PHF8: variants seen among roughly 807,000 people sequenced by gnomAD.
PHF8 encodes the protein PHD finger protein 8.
A neutral mutation model predicts 74.4 loss-of-function variants in PHF8; 9 were observed. That is an observed-to-expected ratio of 0.12 (90% CI 0.07 to 0.21). The LOEUF (loss-of-function observed/expected upper bound fraction) is 0.21, where lower values mean the gene tolerates loss of function less well. Among genes scored for constraint, PHF8 ranks in the 10% least tolerant of loss-of-function variants. The pLI is 1.00. For synonymous variants in PHF8, 311 were observed against 316.6 expected (o/e 0.98, Z 0.19); for missense variants, 478 against 816.6 (o/e 0.59, Z 5.05).
chrX:53,981,152 T>C (rs1472794671), intron 18 of PHF8, among the ~76,000 whole-genome samples: 5 of 112,571 alleles, frequency 4.4e-5, no homozygotes, highest in Non-Finnish European at 7.5e-5. Context: ...AGGCAGAGAT[T>C]GCAGTGAGCC....
intron 4 of PHF8, among the ~76,000 whole-genome samples, chrX:54,019,898 T>C (rs782739929): frequency 1.9e-5 from 2 of 105,164 alleles, no homozygotes; most frequent in Admixed American, 2.1e-4. Context: ...ATAAATAATA[T>C]TGGTGGCTGG....
chrX:53,956,866 G>A (rs11796275), intron 19 of PHF8, among the ~76,000 whole-genome samples: 28 of 111,359 alleles, frequency 2.5e-4, no homozygotes, highest in Non-Finnish European at 3.8e-4. Flanking sequence ...TCAAAAAAAT[G>A]TAAATTAAAT....
At chrX:54,016,823 T>G in intron 5 of PHF8, 87 bp from the exon 6 acceptor site, 1 of 740,088 alleles carries the variant, frequency 1.4e-6, no homozygotes, top group Admixed American at 2.4e-5. Context: ...TAGAATGGCC[T>G]TACACTCAAA....
chrX:53,968,982 C>G (rs1447606410), intron 18 of PHF8, among the ~76,000 whole-genome samples: 3 of 111,599 alleles, frequency 2.7e-5, no homozygotes, highest in Admixed American at 9.6e-5. Context: ...TGCCTGTAAT[C>G]CCAGCACTTT....
chrX:53,942,700 A>G (rs1337101558), intron 20 of PHF8: 1 of 730,987 alleles, frequency 1.4e-6, no homozygotes, highest in Non-Finnish European at 1.6e-6. Context: ...CATATAGAAA[A>G]AGGCCTCTGA....
At chrX:54,012,939 CAAAAA>C (rs782357345) in intron 7 of PHF8, among the ~76,000 whole-genome samples, 1 of 38,595 alleles carries the variant, frequency 2.6e-5, no homozygotes, top group Non-Finnish European at 4.9e-5. Flanking sequence ...GAGACTGTCT[CAAAAA>C]AAAAAAAAAA....
In PHF8 at chrX:53,938,845, T is replaced by A; in HGVS notation, c.*313A>T. On this transcript the variant is annotated 3_prime_UTR_variant, in exon 22 of 22. Coordinates refer to ENST00000338154, the MANE Select transcript of PHF8 (RefSeq NM_015107.3). ...CCTGCCTTCCAGCTCTAGCGGGGGA[T>A]GAAGAATAAAGAACAGACAAGGCAG... 1 of 844,052 alleles carries A rather than the reference T, an allele frequency of 1.2e-6. No homozygotes were observed. Among genetic ancestry groups the A allele is most frequent in the Non-Finnish European group, 1.4e-6 (1 of 696,870 alleles). 69.6% of individuals were successfully genotyped at this position (844,052 alleles called of 1,213,427 possible). A position where few individuals can be genotyped will look rare whatever the true frequency, so the allele number is the denominator to read the frequency against.
At chrX:53,975,222 G>C (rs1343240757) in intron 18 of PHF8, among the ~76,000 whole-genome samples, 1 of 112,213 alleles carries the variant, frequency 8.9e-6, no homozygotes, top group Non-Finnish European at 1.9e-5. Flanking sequence ...GAGAGGATTT[G>C]TTACTCTTCA....
At chrX:54,034,564 T>A (rs1286874766) in intron 2 of PHF8, among the ~76,000 whole-genome samples, 11 of 111,489 alleles carry the variant, frequency 9.9e-5, no homozygotes. Flanking sequence ...AGCTCATGCC[T>A]GTAATCCCAG....
chrX:54,038,225 G>C (rs2066494443), intron 2 of PHF8, among the ~76,000 whole-genome samples: 1 of 112,129 alleles, frequency 8.9e-6, no homozygotes, highest in Non-Finnish European at 1.9e-5. Flanking sequence ...CAAATTCCCA[G>C]TTGATGAACT....
chrX:54,039,529 G>A (rs1174916801), intron 2 of PHF8: 2 of 112,330 alleles, frequency 1.8e-5, no homozygotes, highest in Non-Finnish European at 3.8e-5. Flanking sequence ...TTAAAGAGGG[G>A]CCTGGCCCAT....
chrX:53,993,205 G>A (rs1285108381), intron 13 of PHF8, among the ~76,000 whole-genome samples: 4 of 111,127 alleles, frequency 3.6e-5, no homozygotes, highest in East Asian at 2.8e-4. Flanking sequence ...TCTCATTCCC[G>A]TCCCAGCATT....
rs186129658 is a variant in PHF8 at position 54,001,787 on chromosome X, A to T, written c.1141+368T>A. Among the ~76,000 whole-genome samples, 93 of 110,130 alleles carry T rather than the reference A, an allele frequency of 8.4e-4. 1 individual carries two copies. Among genetic ancestry groups the T allele is most frequent in the African/African-American group, 2.9e-3 (89 of 30,219 alleles). ...CAAAATTATCCAGGTGTGGGGGCCC[A>T]TGCCTGTAGTCTTAGCTACTCGGCA... On this transcript the variant is annotated intron_variant, in intron 10 of 21. Coordinates refer to ENST00000338154, the MANE Select transcript of PHF8 (RefSeq NM_015107.3).
Position 53,952,101 on chromosome X carries a change from T to C in PHF8, c.2540-7858A>G, listed in dbSNP as rs782533616. ...GAGTTCGAGACCAGCCTGGCCAACATAGTGAAACCCGTCTCTACTAAAAAT... is the reference window on the plus strand; with the variant it reads ...GAGTTCGAGACCAGCCTGGCCAACACAGTGAAACCCGTCTCTACTAAAAAT... On this transcript the variant is annotated intron_variant, in intron 19 of 21. Coordinates refer to ENST00000338154, the MANE Select transcript of PHF8 (RefSeq NM_015107.3). 6.4e-5 allele frequency among the ~76,000 whole-genome samples: 7 copies of C among 108,811 alleles called. No individual in the cohort carries two copies. The South Asian group carries it at 2.9e-3, about 45-fold the overall frequency. 94.5% of individuals were successfully genotyped at this position (108,811 alleles called of 115,157 possible). A position where few individuals can be genotyped will look rare whatever the true frequency, so the allele number is the denominator to read the frequency against.
At chrX:54,000,008 A>G in intron 10 of PHF8, 47 bp from the exon 11 acceptor site, 1 of 830,555 alleles carries the variant, frequency 1.2e-6, no homozygotes, top group Non-Finnish European at 1.8e-6. Context: ...GCCATGCAGG[A>G]AAGTGAAGGA....
chrX:53,945,025 AAATAAT>A (rs781910595), intron 19 of PHF8, among the ~76,000 whole-genome samples: 15 of 108,228 alleles, frequency 1.4e-4, no homozygotes, highest in Admixed American at 4.0e-4. Context: ...CTGTCTCAAA[AAATAAT>A]AATAATAATA....
intron 19 of PHF8, 94 bp from the exon 20 acceptor site, chrX:53,944,337 T>C: frequency 1.6e-6 from 1 of 619,438 alleles, no homozygotes; most frequent in Non-Finnish European, 2.6e-6. Context: ...GGTACTCTCA[T>C]TGGTCTTCCT....
chrX:53,982,118 G>C (rs1452075640), intron 18 of PHF8, among the ~76,000 whole-genome samples: 2 of 112,368 alleles, frequency 1.8e-5, no homozygotes, highest in Non-Finnish European at 3.8e-5. Context: ...AAGAGGAGCG[G>C]TTAAATCAAG....
At position 53,938,323 on chromosome X, in the gene PHF8, C is replaced by T; in HGVS notation, c.*835G>A. The T allele has an allele frequency of 1.0e-6, 1 of 996,064 alleles. No homozygotes were observed. The highest frequency in any genetic ancestry group is 1.9e-5 in the African/African-American group (1 of 51,321). The allele number at this position is 996,064 out of a possible 1,213,427, so 82.1% of individuals were successfully genotyped here. On this transcript the variant is annotated 3_prime_UTR_variant, in exon 22 of 22. Coordinates refer to ENST00000338154, the MANE Select transcript of PHF8 (RefSeq NM_015107.3). ...TCCACCTGCCAGGGCCCAGCCACAG[C>T]CACAGCCACAGCCACGTGGATAATG...
Sources: gnomAD v4.1 joint callset for allele counts (sites outside exome capture counted in the v4.1 genomes callset) on GRCh38, gnomAD v4.1.1 for gene constraint, MANE v1.5 for transcripts, NCBI Gene and HGNC (gene_info 2026-07-23, HGNC 2026-07-21) for gene names.